VIL1: variants seen among roughly 807,000 people sequenced by gnomAD.
The protein encoded by VIL1 is villin 1, also known as villin-1.
VIL1 carries 86 observed loss-of-function variants against 104.0 expected under a neutral mutation model. The observed-to-expected ratio is 0.83, with a 90% CI of 0.69 to 0.99. The LOEUF (loss-of-function observed/expected upper bound fraction) is 0.99. Among genes scored for constraint, VIL1 ranks in the 50% least tolerant of loss-of-function variants. The pLI, the probability that VIL1 is intolerant of heterozygous loss-of-function variation, is 0.00. For missense variants in VIL1, 944 were observed against 1,054.1 expected, an observed-to-expected ratio of 0.90 and a Z score of 1.45; for synonymous variants, 394 against 412.6, an observed-to-expected ratio of 0.95 and a Z score of 0.55.
chr2:218,420,137 A>C (rs1040449871), intron 1 of VIL1, among the ~76,000 whole-genome samples: 1 of 152,164 alleles, frequency 6.6e-6, no homozygotes, highest in Non-Finnish European at 1.5e-5. Flanking sequence ...TCAGATAAGA[A>C]AGGCATGGTG....
chr2:218,443,595 G>A (rs1422292149), intron 19 of VIL1, among the ~76,000 whole-genome samples: 2 of 152,114 alleles, frequency 1.3e-5, no homozygotes, highest in Non-Finnish European at 2.9e-5. Context: ...ACAGACTCAA[G>A]ACAGCCCCAT....
intron 19 of VIL1, among the ~76,000 whole-genome samples, chr2:218,445,308 G>A (rs1689346954): frequency 6.6e-6 from 1 of 152,158 alleles, no homozygotes; most frequent in Non-Finnish European, 1.5e-5. Context: ...GGTGAGGTGG[G>A]AGGACTGCTT....
Position 218,438,284 on chromosome 2 carries a change from G to A in VIL1, c.2161-374G>A, listed in dbSNP as rs192191523. Among the ~76,000 whole-genome samples the A allele has an allele frequency of 5.1e-3, 776 of 152,288 alleles. 3 individuals are homozygous for A. Among genetic ancestry groups the A allele is most frequent in the Middle Eastern group, 0.034 (10 of 294 alleles). On this transcript the variant is annotated intron_variant, in intron 17 of 19. Transcript: ENST00000248444. ...AGGGCTCCCTTCTATTATCTGGGGG[G>A]ACCCCCACCCATCCCCAGGAGCCCT...
Position 218,436,607 on chromosome 2 carries a change from T to C in VIL1, c.1952T>C (p.Leu651Pro). 3 of 1,614,106 alleles carry C rather than the reference T, an allele frequency of 1.9e-6. No homozygotes were observed. The highest frequency in any genetic ancestry group is 2.5e-6 in the Non-Finnish European group (3 of 1,180,008). Reference sequence around the variant, plus strand: ...GACTTGGAAGAGGATGATGTGTTCCTACTAGATGTCTGGGACCAGGTAGGA... The same window carrying C: ...GACTTGGAAGAGGATGATGTGTTCCCACTAGATGTCTGGGACCAGGTAGGA... ...QDDLEEDDVF[L>P]LDVWDQVFFW... Residue 651 changes from leucine (L) to proline (P), a missense_variant, in exon 16 of 20, where the codon CTA becomes CCA. Coordinates refer to ENST00000248444, the MANE Select transcript of VIL1 (RefSeq NM_007127.3).
intron 18 of VIL1, among the ~76,000 whole-genome samples, chr2:218,439,350 G>T (rs1478531073): frequency 6.6e-6 from 1 of 152,144 alleles, no homozygotes; most frequent in Non-Finnish European, 1.5e-5. Flanking sequence ...TATAGACTTA[G>T]AATTGGCACC....
intron 1 of VIL1, among the ~76,000 whole-genome samples, chr2:218,420,130 G>A (rs1688875021): frequency 6.6e-6 from 1 of 152,160 alleles, no homozygotes; most frequent in African/African-American, 2.4e-5. Flanking sequence ...ACAGGGCTCA[G>A]ATAAGAAAGG....
chr2:218,424,957 G>A (rs749434893), intron 3 of VIL1, among the ~76,000 whole-genome samples: 3 of 152,066 alleles, frequency 2.0e-5, no homozygotes, highest in Non-Finnish European at 2.9e-5. Flanking sequence ...ACCATGCCCA[G>A]CCTGGCAGTC....
rs1044836095 is a variant in VIL1 at position 218,440,989 on chromosome 2, T to A, written c.2370+127T>A. On this transcript the variant is annotated intron_variant, in intron 19 of 19. Coordinates refer to ENST00000248444, the MANE Select transcript of VIL1 (RefSeq NM_007127.3). ...CAAGACAGATGGGATCCTGCCTTCA[T>A]GCCACCTTATATCCCAGGAGGAGAG... The A allele has an allele frequency of 8.2e-6, 9 of 1,091,592 alleles. No homozygotes were observed. The African/African-American group carries it at 1.3e-4, about 15-fold the overall frequency. 67.6% of individuals were successfully genotyped at this position (1,091,592 alleles called of 1,614,324 possible).
Position 218,446,760 on chromosome 2 carries a change from C to CTTTTTTT in VIL1, c.2371-2448_2371-2442dup, listed in dbSNP as rs71064450. ...ATATGTTGTAATCAAGTGACCTTGA[C>CTTTTTTT]TTTTTTTTTTTTTTTTTTTTTGAGA... is the stretch of plus-strand genomic sequence containing the variant. On this transcript the variant is annotated intron_variant, in intron 19 of 19. Coordinates refer to ENST00000248444, the MANE Select transcript of VIL1 (RefSeq NM_007127.3). 5.0e-4 allele frequency among the ~76,000 whole-genome samples: 63 copies of CTTTTTTT among 125,588 alleles called. 7 individuals carry two copies. Among genetic ancestry groups the CTTTTTTT allele is most frequent in the African/African-American group, 2.1e-3 (55 of 25,898 alleles). 82.4% of individuals were successfully genotyped at this position (125,588 alleles called of 152,430 possible). A position where few individuals can be genotyped will look rare whatever the true frequency, so the allele number is the denominator to read the frequency against.
chr2:218,436,914 T>C (rs535133597), intron 16 of VIL1, among the ~76,000 whole-genome samples: 1 of 152,280 alleles, frequency 6.6e-6, no homozygotes, highest in East Asian at 1.9e-4. Flanking sequence ...GAGACACACA[T>C]TTGCAGAATA....
Position 218,432,165 on chromosome 2 carries a change from C to T in VIL1, c.1323C>T (p.Tyr441=), listed in dbSNP as rs369765614. The T allele has an allele frequency of 7.2e-5, 116 of 1,613,440 alleles. No individual in the cohort carries two copies. The highest frequency in any genetic ancestry group is 9.4e-5 in the Non-Finnish European group (111 of 1,179,888). ...YTYLIGEKQH[Y]LLYVWQGSQA... The stretch of plus-strand genomic sequence containing the variant: ...ACCTCATCGGCGAGAAGCAGCATTA[C>T]CTGCTCTACGTTTGGCAGGTCAGGT... Residue 441 remains tyrosine (Y), a synonymous_variant, in exon 12 of 20, where the codon TAC becomes TAT. Coordinates refer to ENST00000248444, the MANE Select transcript of VIL1 (RefSeq NM_007127.3).
chr2:218,424,799 G>T (rs1292553800), intron 3 of VIL1, among the ~76,000 whole-genome samples: 1 of 152,134 alleles, frequency 6.6e-6, no homozygotes, highest in African/African-American at 2.4e-5. Context: ...TTGGACTACA[G>T]GCACGTGCCA....
At chr2:218,428,434 C>A in intron 6 of VIL1, 97 bp downstream of exon 6, 1 of 1,089,102 alleles carries the variant, frequency 9.2e-7, no homozygotes, top group South Asian at 1.3e-5. Flanking sequence ...CTGGGGACAG[C>A]ATGTTTGAAG....
Position 218,430,811 on chromosome 2 carries a change from C to T in VIL1, c.1035C>T (p.Leu345=). Residue 345 remains leucine, a synonymous_variant, in exon 10 of 20, where the codon CTC becomes CTT. Coordinates refer to ENST00000248444, the MANE Select transcript of VIL1 (RefSeq NM_007127.3). ...CTGAGTCGGCCGTCTTTCAGCAGCT[C>T]TTCCAGAAGTGGACAGCGTCCAACC... ...DGAESAVFQQ[L]FQKWTASNRT... is the part of the protein sequence containing the mutation. 1.2e-6 allele frequency: 2 copies of T among 1,614,018 alleles called. No individual in the cohort carries two copies. Among genetic ancestry groups the T allele is most frequent in the Non-Finnish European group, 1.7e-6 (2 of 1,179,976 alleles).
chr2:218,421,213 TG>T (rs1688895233), intron 1 of VIL1, among the ~76,000 whole-genome samples: 1 of 151,748 alleles, frequency 6.6e-6, no homozygotes, highest in African/African-American at 2.4e-5. Context: ...CCGCCAGCAG[TG>T]TGGCATTTCT....
At chr2:218,424,658 T>C (rs925158461) in intron 3 of VIL1, among the ~76,000 whole-genome samples, 3 of 149,308 alleles carry the variant, frequency 2.0e-5, no homozygotes, top group African/African-American at 7.8e-5. Context: ...TCATCTTCTT[T>C]TTTTAAAATT....
rs940635743 is a variant in VIL1 at position 218,451,472 on chromosome 2, T to C, written c.*2136T>C. 1 of 152,192 alleles carries C rather than the reference T, an allele frequency of 6.6e-6. No individual in the cohort carries two copies. The highest frequency in any genetic ancestry group is 2.1e-4 in the South Asian group (1 of 4,828). The allele number at this position is 152,192 out of a possible 1,614,324, so 9.4% of individuals were successfully genotyped here. A position where few individuals can be genotyped will look rare whatever the true frequency, so the allele number is the denominator to read the frequency against. ...TTTCAGAGGACAGAGAAGGAAAATA[T>C]TTTAATTTGCTTTAATATAACCTCT... On this transcript the variant is annotated 3_prime_UTR_variant, in exon 20 of 20. Coordinates refer to ENST00000248444, the MANE Select transcript of VIL1 (RefSeq NM_007127.3).
chr2:218,442,790 T>C (rs77895078), intron 19 of VIL1, among the ~76,000 whole-genome samples: 3,546 of 152,288 alleles, frequency 0.023, 143 homozygotes, highest in African/African-American at 0.081. Context: ...AGATACCTAG[T>C]TTCTCTCTCA....
intron 1 of VIL1, among the ~76,000 whole-genome samples, chr2:218,423,108 AG>A (rs1378149392): frequency 6.6e-6 from 1 of 152,074 alleles, no homozygotes; most frequent in Non-Finnish European, 1.5e-5. Flanking sequence ...CCAAGCAAAA[AG>A]GGCCGGCCAG....
Sources: allele counts gnomAD v4.1 joint callset (sites outside exome capture counted in the v4.1 genomes callset), GRCh38; gene constraint gnomAD v4.1.1; transcripts MANE v1.5; gene names NCBI Gene and HGNC (gene_info 2026-07-23, HGNC 2026-07-21).